TANGO6: variants seen among roughly 807,000 people sequenced by gnomAD.
TANGO6 encodes transport and Golgi organization protein 6 homolog.
A neutral mutation model predicts 114.2 loss-of-function variants in TANGO6; 90 were observed. The ratio of observed to expected loss-of-function variants is 0.79; its 90% confidence interval spans 0.66 to 0.94. The LOEUF is 0.94. TANGO6 is among the 40% of genes least tolerant of loss of function. TANGO6 has a pLI of 0.00. For synonymous variants in TANGO6, 477 were observed against 509.8 expected, an observed-to-expected ratio of 0.94 and a Z score of 0.87; for missense variants, 1,274 against 1,315.3, an observed-to-expected ratio of 0.97 and a Z score of 0.49.
chr16:69,038,287 G>A (rs1051065949), intron 16 of TANGO6, among the ~76,000 whole-genome samples: 6 of 152,000 alleles, frequency 3.9e-5, no homozygotes, highest in South Asian at 2.1e-4. Flanking sequence ...AAAATTAACC[G>A]GGCATGGTGA....
chr16:68,972,572 T>C (rs1426117231), intron 14 of TANGO6, among the ~76,000 whole-genome samples: 1 of 152,182 alleles, frequency 6.6e-6, no homozygotes, highest in Non-Finnish European at 1.5e-5. Context: ...ATCCATCCAT[T>C]CATCCATTCA....
chr16:68,961,648 T>C (rs1963592534), intron 14 of TANGO6, among the ~76,000 whole-genome samples: 1 of 152,222 alleles, frequency 6.6e-6, no homozygotes, highest in African/African-American at 2.4e-5. Context: ...TTTACTTTTT[T>C]CCCTCCAAGA....
At chr16:69,000,124 T>C (rs1352870491) in intron 15 of TANGO6, among the ~76,000 whole-genome samples, 1 of 152,232 alleles carries the variant, frequency 6.6e-6, no homozygotes, top group Non-Finnish European at 1.5e-5. Context: ...TTACTGATAA[T>C]GTACACTAAG....
At chr16:68,863,573 G>A (rs572108684) in intron 3 of TANGO6, among the ~76,000 whole-genome samples, 104 of 152,172 alleles carry the variant, frequency 6.8e-4, no homozygotes, top group Middle Eastern at 6.8e-3. Flanking sequence ...TCATGCCATT[G>A]CACTCCAGTC....
chr16:68,911,767 T>C (rs1431891464), intron 11 of TANGO6, among the ~76,000 whole-genome samples: 1 of 152,184 alleles, frequency 6.6e-6, no homozygotes, highest in Non-Finnish European at 1.5e-5. Context: ...AAGCTTTATA[T>C]GGAATAAGGT....
At chr16:68,866,978 T>C in intron 3 of TANGO6, 101 bp from the exon 4 acceptor site, 1 of 241,404 alleles carries the variant, frequency 4.1e-6, no homozygotes, top group Non-Finnish European at 6.6e-6. Flanking sequence ...ATTTCTCCTT[T>C]TTTTTTTTTT....
chr16:68,895,051 T>A (rs1962686485), intron 7 of TANGO6, among the ~76,000 whole-genome samples: 1 of 152,162 alleles, frequency 6.6e-6, no homozygotes, highest in Admixed American at 6.6e-5. Flanking sequence ...GTTTTCCGCA[T>A]TTTTAGAATA....
intron 17 of TANGO6, among the ~76,000 whole-genome samples, chr16:69,064,550 C>T (rs1567569160): frequency 6.6e-6 from 1 of 152,190 alleles, no homozygotes; most frequent in Non-Finnish European, 1.5e-5. Context: ...TTTGATGGTG[C>T]AGGAGGAAGA....
chr16:68,854,735 A>G (rs561947650), intron 1 of TANGO6, among the ~76,000 whole-genome samples: 2 of 151,922 alleles, frequency 1.3e-5, no homozygotes, highest in African/African-American at 4.8e-5. Context: ...AAATAGCCAT[A>G]TAAGTGTGGG....
chr16:68,882,775 T>C (rs1213494305), intron 7 of TANGO6, among the ~76,000 whole-genome samples: 1 of 151,634 alleles, frequency 6.6e-6, no homozygotes, highest in Non-Finnish European at 1.5e-5. Flanking sequence ...TCCCAACACT[T>C]TGGGAGGCCA....
At chr16:69,032,473 G>A (rs1456772350) in intron 16 of TANGO6, among the ~76,000 whole-genome samples, 1 of 151,794 alleles carries the variant, frequency 6.6e-6, no homozygotes, top group Non-Finnish European at 1.5e-5. Flanking sequence ...TCACCATGTT[G>A]CTCAGGCTGG....
At chr16:68,856,462 C>G (rs1010945534) in intron 1 of TANGO6, among the ~76,000 whole-genome samples, 1 of 152,166 alleles carries the variant, frequency 6.6e-6, no homozygotes, top group African/African-American at 2.4e-5. Flanking sequence ...AAGTATTATT[C>G]TTTTCTATAT....
At chr16:69,067,211 T>C (rs1185997639) in intron 17 of TANGO6, among the ~76,000 whole-genome samples, 1 of 152,172 alleles carries the variant, frequency 6.6e-6, no homozygotes, top group South Asian at 2.1e-4. Flanking sequence ...AAAAAAATTT[T>C]TTTTTTATTA....
intron 14 of TANGO6, among the ~76,000 whole-genome samples, chr16:68,941,537 A>C (rs1963353338): frequency 6.6e-6 from 1 of 152,064 alleles, no homozygotes. Context: ...TGAGGACAGG[A>C]GTTTGAGACC....
intron 17 of TANGO6, among the ~76,000 whole-genome samples, chr16:69,069,815 G>A (rs534849266): frequency 1.3e-5 from 2 of 152,076 alleles, no homozygotes; most frequent in African/African-American, 4.8e-5. Flanking sequence ...AAGGAAAGGG[G>A]TCTCCATTCC....
intron 17 of TANGO6, among the ~76,000 whole-genome samples, chr16:69,067,538 C>A (rs796343149): frequency 0.047 from 4,344 of 93,308 alleles, 104 homozygotes; most frequent in Non-Finnish European, 0.055. Context: ...AAAAAAAAAA[C>A]GCTGGGCGCC....
At chr16:69,006,738 G>A (rs895355138) in intron 15 of TANGO6, among the ~76,000 whole-genome samples, 46 of 152,144 alleles carry the variant, frequency 3.0e-4, no homozygotes, top group Admixed American at 2.4e-3. Context: ...GTAACAGAGC[G>A]AGACTCTGTC....
chr16:68,859,764 G>C, intron 1 of TANGO6, 120 bp from the exon 2 acceptor site: 1 of 1,191,048 alleles, frequency 8.4e-7, no homozygotes, highest in Non-Finnish European at 1.1e-6. Flanking sequence ...AGGCTTTCCA[G>C]AGCCAGTGAC....
intron 17 of TANGO6, among the ~76,000 whole-genome samples, chr16:69,070,634 A>G (rs1217464655): frequency 6.8e-6 from 1 of 148,090 alleles, no homozygotes; most frequent in African/African-American, 2.5e-5. Context: ...CTCCATCTCA[A>G]AAAAAAAAAA....
Sources: gnomAD v4.1 joint callset for allele counts (sites outside exome capture counted in the v4.1 genomes callset) on GRCh38, gnomAD v4.1.1 for gene constraint, MANE v1.5 for transcripts, NCBI Gene and HGNC (gene_info 2026-07-23, HGNC 2026-07-21) for gene names.